The following MAGI1 variants were observed in gnomAD, a reference collection of about 807,000 sequenced individuals.
The protein encoded by MAGI1 is membrane-associated guanylate kinase, WW and PDZ domain-containing protein 1.
In MAGI1, 58 loss-of-function variants were observed where a neutral mutation model predicts 139.9. The observed-to-expected ratio is 0.41, with a 90% CI of 0.34 to 0.52. MAGI1 has a LOEUF of 0.52. Among genes scored for constraint, MAGI1 ranks in the 20% least tolerant of loss-of-function variants. MAGI1 has a pLI of 0.12. For missense variants in MAGI1, 1,874 were observed against 1,901.6 expected (o/e 0.99, Z 0.27); for synonymous variants, 812 against 737.9 (o/e 1.10, Z -1.63).
rs1368385185 is a variant in MAGI1 at position 65,611,015 on chromosome 3, CAT to C, written c.430+10955_430+10956del. Among the ~76,000 whole-genome samples the C allele has an allele frequency of 3.2e-5, 4 of 126,706 alleles. No homozygotes were observed. The East Asian group carries it at 8.9e-4, about 28-fold the overall frequency. The allele number at this position is 126,706 out of a possible 152,430, so 83.1% of individuals were successfully genotyped here. A position where few individuals can be genotyped will look rare whatever the true frequency, so the allele number is the denominator to read the frequency against. On this transcript the variant is annotated intron_variant, in intron 2 of 22. Coordinates refer to ENST00000402939, the MANE Select transcript of MAGI1 (RefSeq NM_001033057.2). ...TATATACTATATACATATATACATACATATAGTGTGTATATAGTATATATACT... is the reference window on the plus strand; with the variant it reads ...TATATACTATATACATATATACATACATAGTGTGTATATAGTATATATACT...
intron 1 of MAGI1, among the ~76,000 whole-genome samples, chr3:65,995,935 T>C (rs1042603732): frequency 2.0e-5 from 3 of 151,948 alleles, no homozygotes; most frequent in Admixed American, 6.6e-5. Flanking sequence ...GAGTTTGAGG[T>C]TGTAGGGAGC....
chr3:65,951,019 GGAA>G (rs1560047171), intron 1 of MAGI1, among the ~76,000 whole-genome samples: 36 of 116,624 alleles, frequency 3.1e-4, no homozygotes, highest in East Asian at 7.7e-4. Flanking sequence ...AAGGAAGGAA[GGAA>G]GGAAGGAAGG....
At chr3:65,870,348 G>C (rs1308347953) in intron 1 of MAGI1, among the ~76,000 whole-genome samples, 2 of 152,032 alleles carry the variant, frequency 1.3e-5, no homozygotes, top group Non-Finnish European at 2.9e-5. Flanking sequence ...AAATGATAGG[G>C]AAAGCCTGTG....
At chr3:65,887,502 C>T (rs2060581815) in intron 1 of MAGI1, among the ~76,000 whole-genome samples, 1 of 151,680 alleles carries the variant, frequency 6.6e-6, no homozygotes, top group East Asian at 1.9e-4. Context: ...GTAACTTCTA[C>T]TGTGCATTAA....
At chr3:65,840,896 C>A (rs1177719106) in intron 1 of MAGI1, among the ~76,000 whole-genome samples, 1 of 152,062 alleles carries the variant, frequency 6.6e-6, no homozygotes, top group African/African-American at 2.4e-5. Flanking sequence ...TGCTACAATT[C>A]TTCATTGAAA....
At position 65,356,669 on chromosome 3, in the gene MAGI1, G is replaced by A. The variant is rs1459620289; in HGVS notation, c.4098C>T (p.Ser1366=). The A allele has an allele frequency of 1.3e-6, 2 of 1,584,368 alleles. No homozygotes were observed. The highest frequency in any genetic ancestry group is 1.7e-6 in the Non-Finnish European group (2 of 1,166,784). Residue 1366 remains serine, a synonymous_variant, in exon 23 of 23, where the codon TCC becomes TCT. Transcript: ENST00000402939. ...ERSPTRRRDG[S]PSRRRRSLER... is the part of the protein sequence containing the mutation. ...CCAGAGACCGTCTCCGCCGGCTGGGGGAGCCGTCTCTCCTGCGGGTGGGTG... is the reference window on the plus strand; with the variant it reads ...CCAGAGACCGTCTCCGCCGGCTGGGAGAGCCGTCTCTCCTGCGGGTGGGTG...
chr3:65,924,766 T>A (rs1273402497), intron 1 of MAGI1: 1 of 152,406 alleles, frequency 6.6e-6, no homozygotes, highest in Non-Finnish European at 1.5e-5. Context: ...CAAATGAGAA[T>A]AAACAGCCAT....
chr3:65,435,839 C>G (rs754296568), intron 10 of MAGI1, among the ~76,000 whole-genome samples: 1 of 152,136 alleles, frequency 6.6e-6, no homozygotes, highest in Non-Finnish European at 1.5e-5. Flanking sequence ...GGAACAGCCA[C>G]TGCAAACAGA....
At chr3:65,518,132 G>A (rs1425239380) in intron 2 of MAGI1, among the ~76,000 whole-genome samples, 2 of 152,030 alleles carry the variant, frequency 1.3e-5, no homozygotes, top group African/African-American at 4.8e-5. Flanking sequence ...CCTCTAGTTA[G>A]CAGCTTAAAA....
At chr3:65,895,720 T>C (rs551412280) in intron 1 of MAGI1, among the ~76,000 whole-genome samples, 1 of 152,158 alleles carries the variant, frequency 6.6e-6, no homozygotes, top group Non-Finnish European at 1.5e-5. Flanking sequence ...CAAACTTACG[T>C]CAGTTACCCT....
intron 1 of MAGI1, among the ~76,000 whole-genome samples, chr3:66,028,816 G>A (rs2068441219): frequency 6.6e-6 from 1 of 152,116 alleles, no homozygotes; most frequent in Non-Finnish European, 1.5e-5. Flanking sequence ...CAAAAAGGCA[G>A]CATCTGAATC....
rs1170215972 is a variant in MAGI1, at chr3:65,548,511, C to CTTT, written c.431-54883_431-54881dup. Reference sequence around the variant, plus strand: ...AGCCCAGCTTTATGCAAACAACACTCTTTTTTTTTTTTTTTTTTTTTTTTT... The same window carrying CTTT: ...AGCCCAGCTTTATGCAAACAACACTCTTTTTTTTTTTTTTTTTTTTTTTTTTTT... On this transcript the variant is annotated intron_variant, in intron 2 of 22. Transcript: ENST00000402939. Among the ~76,000 whole-genome samples the CTTT allele has an allele frequency of 9.2e-4, 80 of 87,374 alleles. 9 individuals are homozygous for CTTT. Among genetic ancestry groups the CTTT allele is most frequent in the African/African-American group, 2.4e-3 (52 of 21,296 alleles). 57.3% of individuals were successfully genotyped at this position (87,374 alleles called of 152,430 possible).
chr3:65,950,572 G>C (rs960206748), intron 1 of MAGI1, among the ~76,000 whole-genome samples: 4 of 152,066 alleles, frequency 2.6e-5, no homozygotes, highest in African/African-American at 7.2e-5. Context: ...AAGAATATAA[G>C]CAAAGTACTA....
chr3:65,846,976 C>CAAA (rs58391331), intron 1 of MAGI1, among the ~76,000 whole-genome samples: 7,895 of 80,706 alleles, frequency 0.098, 721 homozygotes, highest in East Asian at 0.39. Context: ...CAATGTCTTA[C>CAAA]AAAAAAAAAA....
rs558314701 is a variant in MAGI1 at position 65,901,921 on chromosome 3, TA to T, written c.313+136074del. On this transcript the variant is annotated intron_variant, in intron 1 of 22. Coordinates refer to ENST00000402939, the MANE Select transcript of MAGI1 (RefSeq NM_001033057.2). Reference sequence around the variant, plus strand: ...ATACTTACGAGGTTTTAAAATTCATTATTTTTTTTAATACATCATTTTCACT... The same window carrying T: ...ATACTTACGAGGTTTTAAAATTCATTTTTTTTTTAATACATCATTTTCACT... 1.7e-3 allele frequency among the ~76,000 whole-genome samples: 256 copies of T among 149,538 alleles called. 2 individuals are homozygous for T. The highest frequency in any genetic ancestry group is 6.9e-3 in the Middle Eastern group (2 of 290).
intron 12 of MAGI1, among the ~76,000 whole-genome samples, chr3:65,414,748 G>C (rs1371090961): frequency 6.6e-6 from 1 of 151,690 alleles, no homozygotes; most frequent in African/African-American, 2.4e-5. Context: ...AGAAAAAAAA[G>C]AGGCACTGGG....
At chr3:65,983,708 C>T (rs1180869039) in intron 1 of MAGI1, among the ~76,000 whole-genome samples, 2 of 152,136 alleles carry the variant, frequency 1.3e-5, no homozygotes, top group African/African-American at 4.8e-5. Flanking sequence ...CCCTGGCTAA[C>T]ACAGTCACTC....
chr3:65,730,732 G>GT (rs2034098671), intron 1 of MAGI1, among the ~76,000 whole-genome samples: 2 of 152,284 alleles, frequency 1.3e-5, no homozygotes, highest in East Asian at 3.9e-4. Context: ...ACCCACAAAT[G>GT]TTTCCTAGAA....
chr3:65,971,036 C>T (rs187501866), intron 1 of MAGI1, among the ~76,000 whole-genome samples: 1 of 152,252 alleles, frequency 6.6e-6, no homozygotes, highest in Admixed American at 6.5e-5. Flanking sequence ...AACCCCATCT[C>T]TACTAAAAAT....
Sources: gnomAD v4.1 joint callset for allele counts (sites outside exome capture counted in the v4.1 genomes callset) on GRCh38, gnomAD v4.1.1 for gene constraint, MANE v1.5 for transcripts, NCBI Gene and HGNC (gene_info 2026-07-23, HGNC 2026-07-21) for gene names.